SYNM: variants seen among roughly 807,000 people sequenced by gnomAD.
The protein encoded by SYNM is synemin.
A neutral mutation model predicts 104.0 loss-of-function variants in SYNM; 95 were observed. The observed-to-expected ratio is 0.91, with a 90% CI of 0.77 to 1.08. The LOEUF is 1.08. Ranked by LOEUF, SYNM falls within the 50% of genes least tolerant of loss-of-function variation. The pLI is 0.00. For synonymous variants in SYNM, 918 were observed against 869.0 expected (o/e 1.06, Z -0.99); for missense variants, 2,150 against 2,052.2 (o/e 1.05, Z -0.92).
At chr15:99,121,642 C>T (rs1158896311) in intron 2 of SYNM, among the ~76,000 whole-genome samples, 1 of 152,202 alleles carries the variant, frequency 6.6e-6, no homozygotes, top group African/African-American at 2.4e-5. Flanking sequence ...TGGTCCAGAT[C>T]CTACAGAGTG....
At chr15:99,124,433 C>T (rs1314156190) in intron 2 of SYNM, among the ~76,000 whole-genome samples, 1 of 152,182 alleles carries the variant, frequency 6.6e-6, no homozygotes, top group South Asian at 2.1e-4. Flanking sequence ...GTAAAGGTGA[C>T]ATGTGTCGCT....
chr15:99,107,367 G>A (rs1379882440), intron 1 of SYNM, among the ~76,000 whole-genome samples: 1 of 152,170 alleles, frequency 6.6e-6, no homozygotes, highest in Non-Finnish European at 1.5e-5. Flanking sequence ...GTGCCTTAAT[G>A]TGGCATTCAT....
At position 99,113,650 on chromosome 15, in the gene SYNM, G is replaced by T; in HGVS notation, c.870G>T (p.Trp290Cys). ...KATLTLAMAD[W>C]LRDYQDLLQV... ...CCCTCACCTTGGCCATGGCTGACTG[G>T]CTGCGGGACTATCAGGACCTCCTGC... The change falls in exon 2 of 4, where the codon TGG (tryptophan) becomes TGT (cysteine). Residue 290 changes from tryptophan to cysteine, a missense_variant. Coordinates refer to ENST00000336292, the MANE Select transcript of SYNM (RefSeq NM_145728.3). 6.2e-7 allele frequency: 1 copy of T among 1,613,572 alleles called. No homozygotes were observed. The highest frequency in any genetic ancestry group is 8.5e-7 in the Non-Finnish European group (1 of 1,179,692).
downstream of SYNM, among the ~76,000 whole-genome samples, chr15:99,138,516 G>A (rs923234567): frequency 2.6e-5 from 4 of 152,168 alleles, no homozygotes; most frequent in Non-Finnish European, 5.9e-5. Flanking sequence ...GTTTTGCCAT[G>A]TTGGCCAGTC....
At chr15:99,120,469 C>T (rs1162756643) in intron 2 of SYNM, among the ~76,000 whole-genome samples, 1 of 152,214 alleles carries the variant, frequency 6.6e-6, no homozygotes, top group African/African-American at 2.4e-5. Flanking sequence ...CAGTGCCCGT[C>T]TCTGGGCAGC....
Position 99,134,107 on chromosome 15 carries a change from T to C in SYNM, c.*1049T>C, listed in dbSNP as rs1158793165. ...TCTTTCTGAGCTCAAGGGTGAAAGA[T>C]GAATACAATAACAACCATGAACCCA... On this transcript the variant is annotated 3_prime_UTR_variant, in exon 4 of 4. Coordinates refer to ENST00000336292, the MANE Select transcript of SYNM (RefSeq NM_145728.3). 6.6e-6 allele frequency: 1 copy of C among 152,168 alleles called. No homozygotes were observed. The highest frequency in any genetic ancestry group is 1.5e-5 in the Non-Finnish European group (1 of 68,024). The allele number at this position is 152,168 out of a possible 1,614,324, so 9.4% of individuals were successfully genotyped here. A position where few individuals can be genotyped will look rare whatever the true frequency, so the allele number is the denominator to read the frequency against.
At chr15:99,114,804 G>T (rs377763367) in intron 2 of SYNM, among the ~76,000 whole-genome samples, 1 of 151,876 alleles carries the variant, frequency 6.6e-6, no homozygotes. Context: ...GTGCCAGTGC[G>T]TCTTTGATTG....
At chr15:99,118,479 C>T (rs1357059616) in intron 2 of SYNM, among the ~76,000 whole-genome samples, 1 of 152,142 alleles carries the variant, frequency 6.6e-6, no homozygotes, top group East Asian at 1.9e-4. Flanking sequence ...CATTCACATG[C>T]AAGGGAAGGG....
At chr15:99,106,076 C>G (rs954035859) in intron 1 of SYNM, 67 bp downstream of exon 1, 4 of 1,337,792 alleles carry the variant, frequency 3.0e-6, no homozygotes, top group Non-Finnish European at 3.8e-6. Context: ...CTGCCCTTGA[C>G]GGCGTGGGGC....
rs2067555801 is a variant in SYNM, at chr15:99,135,118, G to A, written c.*2060G>A. ...TGTAAATGGAAGCTGATGTGAACAG[G>A]TAATTAATATTATGACCCACTTCTA... is the stretch of plus-strand genomic sequence containing the variant. On this transcript the variant is annotated 3_prime_UTR_variant, in exon 4 of 4. Transcript: ENST00000336292. 1.3e-5 allele frequency: 2 copies of A among 152,552 alleles called. No individual in the cohort carries two copies. The highest frequency in any genetic ancestry group is 4.8e-5 in the African/African-American group (2 of 41,560). The allele number at this position is 152,552 out of a possible 1,614,324, so 9.4% of individuals were successfully genotyped here.
intron 2 of SYNM, among the ~76,000 whole-genome samples, chr15:99,125,812 T>C (rs781963641): frequency 9.2e-5 from 14 of 152,300 alleles, no homozygotes; most frequent in Non-Finnish European, 1.9e-4. Context: ...GAGAAACTGT[T>C]GCACCCAGAG....
intron 1 of SYNM, among the ~76,000 whole-genome samples, chr15:99,107,973 TGG>T (rs2067265389): frequency 6.7e-6 from 1 of 150,360 alleles, no homozygotes; most frequent in African/African-American, 2.5e-5. Flanking sequence ...GTTTTGGTTT[TGG>T]TTTTGGTTTT....
intron 1 of SYNM, among the ~76,000 whole-genome samples, chr15:99,106,662 C>A (rs1555482847): frequency 6.6e-6 from 1 of 152,118 alleles, no homozygotes; most frequent in African/African-American, 2.4e-5. Context: ...AAAGTGGGGC[C>A]CTTTGGCAGG....
At chr15:99,139,179 T>C (rs2067915038), downstream of SYNM, 2 of 1,087,642 alleles carry the variant, frequency 1.8e-6, no homozygotes, top group Non-Finnish European at 2.7e-6. Flanking sequence ...TCAAAGGAAC[T>C]TGTCCTTTAT....
At chr15:99,123,634 C>G (rs1352727499) in intron 2 of SYNM, among the ~76,000 whole-genome samples, 1 of 152,250 alleles carries the variant, frequency 6.6e-6, no homozygotes, top group Non-Finnish European at 1.5e-5. Flanking sequence ...GGAGGCGGCT[C>G]TGCGGCTCCT....
intron 2 of SYNM, among the ~76,000 whole-genome samples, chr15:99,118,894 G>A (rs8040268): frequency 0.17 from 26,517 of 152,110 alleles, 2,545 homozygotes; most frequent in East Asian, 0.32. Context: ...CCTGCATTGC[G>A]GGTGGCAGTG....
At position 99,126,704 on chromosome 15, in the gene SYNM, T is replaced by C; in HGVS notation, c.936-18T>C. Reference sequence around the variant, plus strand: ...CTTTCGTTTCCTAATGAATTATGTTTGTAAATTATTTTTACAGGGCCTTAT... The same window carrying C: ...CTTTCGTTTCCTAATGAATTATGTTCGTAAATTATTTTTACAGGGCCTTAT... On this transcript the variant is annotated intron_variant, in intron 2 of 3. Coordinates refer to ENST00000336292, the MANE Select transcript of SYNM (RefSeq NM_145728.3). 1.9e-6 allele frequency: 3 copies of C among 1,564,016 alleles called. No individual in the cohort carries two copies. In the East Asian group the frequency reaches 7.1e-5, roughly 37 times the overall value.
chr15:99,113,062 G>C (rs1481608833), intron 1 of SYNM, among the ~76,000 whole-genome samples: 2 of 152,170 alleles, frequency 1.3e-5, no homozygotes, highest in Non-Finnish European at 2.9e-5. Context: ...TGCCCAGAAT[G>C]CATTTCTCCC....
intron 2 of SYNM, among the ~76,000 whole-genome samples, chr15:99,116,404 A>ACC (rs1555483949): frequency 6.8e-5 from 10 of 146,366 alleles, no homozygotes; most frequent in South Asian, 2.3e-4. Flanking sequence ...AGACTGCCCC[A>ACC]AGTCAGAAAA....
Sources: gnomAD v4.1 joint callset for allele counts (sites outside exome capture counted in the v4.1 genomes callset) on GRCh38, gnomAD v4.1.1 for gene constraint, MANE v1.5 for transcripts, NCBI Gene and HGNC (gene_info 2026-07-23, HGNC 2026-07-21) for gene names.